RYR3: variants seen among roughly 807,000 people sequenced by gnomAD.
RYR3 encodes brain ryanodine receptor-calcium release channel.
A neutral mutation model predicts 584.3 loss-of-function variants in RYR3; 207 were observed. The observed-to-expected ratio is 0.35, with a 90% CI of 0.32 to 0.40. The LOEUF (loss-of-function observed/expected upper bound fraction) is 0.40, where lower values mean the gene tolerates loss of function less well. Ranked by LOEUF, RYR3 falls within the 10% of genes least tolerant of loss-of-function variation. The probability of loss-of-function intolerance (pLI) is 1.00; values close to 1 mark genes in which losing one functional copy is unlikely to be tolerated. For synonymous variants in RYR3, 2,416 were observed against 2,248.5 expected (o/e 1.07, Z -2.11); for missense variants, 5,616 against 6,089.2 (o/e 0.92, Z 2.59).
intron 1 of RYR3, among the ~76,000 whole-genome samples, chr15:33,460,940 CT>C (rs66742049): frequency 0.012 from 960 of 79,188 alleles, 10 homozygotes; most frequent in Non-Finnish European, 0.015. Context: ...TAATATCCAC[CT>C]TTTTTTTTTT....
intron 1 of RYR3, among the ~76,000 whole-genome samples, chr15:33,363,634 A>G (rs1183234868): frequency 6.6e-6 from 1 of 152,242 alleles, no homozygotes; most frequent in Non-Finnish European, 1.5e-5. Flanking sequence ...TAAAGGAATT[A>G]CTGAGTACAA....
intron 1 of RYR3, among the ~76,000 whole-genome samples, chr15:33,386,897 G>A (rs1301710944): frequency 6.6e-6 from 1 of 151,312 alleles, no homozygotes. Flanking sequence ...TTGCTCTGTC[G>A]CCCGGGCTGG....
intron 1 of RYR3, among the ~76,000 whole-genome samples, chr15:33,407,333 CAG>C (rs1030693710): frequency 1.3e-5 from 2 of 152,132 alleles, no homozygotes; most frequent in Non-Finnish European, 2.9e-5. Context: ...AGAAGTAAAA[CAG>C]GGTAAGAAGG....
At chr15:33,397,805 T>TG (rs1272912390) in intron 1 of RYR3, among the ~76,000 whole-genome samples, 1 of 152,196 alleles carries the variant, frequency 6.6e-6, no homozygotes, top group Non-Finnish European at 1.5e-5. Flanking sequence ...GAGGCTATTC[T>TG]GTCAGTCTTA....
chr15:33,523,447 A>G (rs1311876810), intron 3 of RYR3, among the ~76,000 whole-genome samples: 3 of 152,104 alleles, frequency 2.0e-5, no homozygotes, highest in African/African-American at 7.2e-5. Flanking sequence ...CAAACTCTGG[A>G]CACCCCACCT....
intron 1 of RYR3, among the ~76,000 whole-genome samples, chr15:33,348,051 C>T (rs1480165626): frequency 6.6e-6 from 1 of 151,928 alleles, no homozygotes; most frequent in Non-Finnish European, 1.5e-5. Flanking sequence ...ATGTAACAAT[C>T]TGTGTCTCTA....
chr15:33,723,668 CTG>C (rs1224914076), intron 44 of RYR3, among the ~76,000 whole-genome samples: 1 of 152,184 alleles, frequency 6.6e-6, no homozygotes, highest in Non-Finnish European at 1.5e-5. Context: ...GAGAAAAAAA[CTG>C]AGGCCCAAGG....
Position 33,748,100 on chromosome 15 carries a change from A to G in RYR3, c.7990-14A>G, listed in dbSNP as rs200770834. On this transcript the variant is annotated splice_polypyrimidine_tract_variant and intron_variant, in intron 53 of 103. Coordinates refer to ENST00000634891, the MANE Select transcript of RYR3 (RefSeq NM_001036.6). The stretch of plus-strand genomic sequence containing the variant: ...TGTGTTCTGCAAAGTGCTTCTGCTC[A>G]AATTCTCTTCTAGGAGAAGGAAATT... 6.2e-7 allele frequency: 1 copy of G among 1,613,164 alleles called. No homozygotes were observed. Among genetic ancestry groups the G allele is most frequent in the African/African-American group, 1.3e-5 (1 of 75,034 alleles).
chr15:33,699,692 T>G lies in RYR3; in HGVS notation c.6250-12T>G. 1 of 1,611,940 alleles carries G rather than the reference T, an allele frequency of 6.2e-7. No homozygotes were observed. The highest frequency in any genetic ancestry group is 1.1e-5 in the South Asian group (1 of 90,750). On this transcript the variant is annotated splice_polypyrimidine_tract_variant and intron_variant, in intron 40 of 103. Coordinates refer to ENST00000634891, the MANE Select transcript of RYR3 (RefSeq NM_001036.6). The stretch of plus-strand genomic sequence containing the variant: ...GATTCTTTTGTCTGACACTTTCTAC[T>G]TCTCCCTACAGATTGCATTTCCAAA...
intron 67 of RYR3, among the ~76,000 whole-genome samples, chr15:33,789,317 T>A (rs531714286): frequency 1.3e-5 from 2 of 151,928 alleles, no homozygotes; most frequent in South Asian, 4.2e-4. Flanking sequence ...TGTGATCTGA[T>A]TCACTCTTTG....
intron 5 of RYR3, among the ~76,000 whole-genome samples, chr15:33,534,898 G>T (rs2055196527): frequency 6.6e-6 from 1 of 152,218 alleles, no homozygotes; most frequent in African/African-American, 2.4e-5. Context: ...GCTCCATTTA[G>T]AGGTTGGGCT....
At position 33,390,277 on chromosome 15, in the gene RYR3, T is replaced by A. The variant is rs893029603; in HGVS notation, c.51+79181T>A. Among the ~76,000 whole-genome samples the A allele has an allele frequency of 6.6e-6, 1 of 152,266 alleles. No individual in the cohort carries two copies. The highest frequency in any genetic ancestry group is 2.4e-5 in the African/African-American group (1 of 41,476). On this transcript the variant is annotated intron_variant, in intron 1 of 103. Transcript: ENST00000634891. The surrounding 1 kb of genome is among the most constrained non-coding windows in gnomAD (Gnocchi z 4.2). Reference sequence around the variant, plus strand: ...AACAAAATAAGAGTTTTTGTTTGTTTGTTTGTTTAGTTTGTTCTTTTAGCT... The same window carrying A: ...AACAAAATAAGAGTTTTTGTTTGTTAGTTTGTTTAGTTTGTTCTTTTAGCT...
chr15:33,840,533 A>G (rs2078292547), intron 89 of RYR3: 1 of 429,382 alleles, frequency 2.3e-6, no homozygotes. Flanking sequence ...CCTGTGGAGC[A>G]GTAGAACCAC....
chr15:33,400,746 G>A (rs759124576), intron 1 of RYR3, among the ~76,000 whole-genome samples: 5 of 152,052 alleles, frequency 3.3e-5, no homozygotes, highest in African/African-American at 1.2e-4. Flanking sequence ...AGTGGGGAGT[G>A]GTATTATTAA....
intron 1 of RYR3, among the ~76,000 whole-genome samples, chr15:33,401,885 G>A (rs1007834700): frequency 6.6e-6 from 1 of 152,160 alleles, no homozygotes; most frequent in African/African-American, 2.4e-5. Context: ...GGGGCAATGA[G>A]TGATTTTGTG....
chr15:33,322,876 T>C (rs1969161181), intron 1 of RYR3, among the ~76,000 whole-genome samples: 1 of 151,820 alleles, frequency 6.6e-6, no homozygotes, highest in African/African-American at 2.4e-5. Context: ...CACTCTTGTC[T>C]ACCTTATTGT....
At chr15:33,456,168 C>T (rs1324638082) in intron 1 of RYR3, among the ~76,000 whole-genome samples, 2 of 152,178 alleles carry the variant, frequency 1.3e-5, no homozygotes, top group Non-Finnish European at 2.9e-5. Context: ...GTCTCATTCT[C>T]ACTTCGCTGG....
intron 1 of RYR3, among the ~76,000 whole-genome samples, chr15:33,358,001 A>G (rs148627010): frequency 4.6e-5 from 7 of 152,350 alleles, no homozygotes; most frequent in African/African-American, 1.4e-4. Flanking sequence ...GGGCAAAAGC[A>G]TACATCAGTG....
At chr15:33,706,150 T>A (rs1453574038) in intron 42 of RYR3, among the ~76,000 whole-genome samples, 4 of 152,028 alleles carry the variant, frequency 2.6e-5, no homozygotes, top group African/African-American at 9.7e-5. Context: ...AAAAAAAAAA[T>A]AAAAACTTGA....
Sources: allele counts gnomAD v4.1 joint callset (sites outside exome capture counted in the v4.1 genomes callset), GRCh38; gene constraint gnomAD v4.1.1; non-coding constraint Gnocchi (gnomAD v3.1); transcripts MANE v1.5; gene names NCBI Gene and HGNC (gene_info 2026-07-23, HGNC 2026-07-21).